The following SLIT3 variants were observed in gnomAD, a reference collection of about 807,000 sequenced individuals.
SLIT3 encodes slit homolog 3 protein.
A neutral mutation model predicts 184.0 loss-of-function variants in SLIT3; 68 were observed. The ratio of observed to expected loss-of-function variants is 0.37; its 90% CI spans 0.30 to 0.45. SLIT3 has a LOEUF of 0.45. SLIT3 is among the 20% of genes least tolerant of loss of function. The probability of loss-of-function intolerance (pLI) is 1.00; values close to 1 mark genes in which losing one functional copy is unlikely to be tolerated. For synonymous variants in SLIT3, 831 were observed against 828.6 expected (o/e 1.00, Z -0.05); for missense variants, 1,707 against 2,026.0 (o/e 0.84, Z 3.02).
intron 4 of SLIT3, among the ~76,000 whole-genome samples, chr5:169,080,354 C>A (rs1230745188): frequency 2.0e-5 from 3 of 152,162 alleles, no homozygotes; most frequent in Non-Finnish European, 1.5e-5. Context: ...ATGTGCCAAG[C>A]ACTGTGCTAG....
intron 9 of SLIT3, among the ~76,000 whole-genome samples, chr5:168,805,305 AGGGAAGGGGAGGAGG>A (rs1379852572): frequency 2.0e-5 from 3 of 151,988 alleles, no homozygotes; most frequent in African/African-American, 7.3e-5. Flanking sequence ...GGGCACACAC[AGGGAAGGGGAGGAGG>A]GGGAAGAGGA....
Position 169,270,829 on chromosome 5 carries a change from G to T in SLIT3, c.198-19370C>A, listed in dbSNP as rs1284652510. On this transcript the variant is annotated intron_variant, in intron 1 of 35. Transcript: ENST00000519560. ...GGACAGAAGTAGCAACATGACTCTGGGGAAGTTATTTTAACTCTCTGTGCC... is the reference window on the plus strand; with the variant it reads ...GGACAGAAGTAGCAACATGACTCTGTGGAAGTTATTTTAACTCTCTGTGCC... Among the ~76,000 whole-genome samples, 7 of 152,114 alleles carry T rather than the reference G, an allele frequency of 4.6e-5. 1 individual carries two copies. The South Asian group carries it at 1.0e-3, about 23-fold the overall frequency.
intron 5 of SLIT3, among the ~76,000 whole-genome samples, chr5:168,846,520 A>G (rs559195811): frequency 6.6e-6 from 1 of 152,136 alleles, no homozygotes; most frequent in Non-Finnish European, 1.5e-5. Context: ...AGGCCGGTGA[A>G]TCAACAACCT....
intron 4 of SLIT3, among the ~76,000 whole-genome samples, chr5:169,100,143 G>T (rs2113227541): frequency 1.3e-5 from 2 of 152,288 alleles, no homozygotes. Context: ...CAAACAGGTA[G>T]GTTCAAGCCT....
chr5:168,856,046 T>C (rs1486472998), intron 5 of SLIT3, among the ~76,000 whole-genome samples: 2 of 151,998 alleles, frequency 1.3e-5, no homozygotes, highest in African/African-American at 4.8e-5. Flanking sequence ...GAGGCAGAGG[T>C]TGCAGTTAGC....
intron 1 of SLIT3, among the ~76,000 whole-genome samples, chr5:169,266,527 G>A (rs1485751734): frequency 6.6e-6 from 1 of 152,148 alleles, no homozygotes; most frequent in Admixed American, 6.5e-5. Context: ...GAGATCATGT[G>A]TCATAAATGG....
rs576891835 is a variant in SLIT3, at chr5:169,299,483, C to G, written c.197+1030G>C. On this transcript the variant is annotated intron_variant, in intron 1 of 35. Transcript: ENST00000519560. The stretch of plus-strand genomic sequence containing the variant: ...GAAGGGGAGAAGAGGGAGAGCAAGA[C>G]ACGGAGGGAATCTACCACACTAGAG... Among the ~76,000 whole-genome samples the G allele has an allele frequency of 3.9e-5, 6 of 152,182 alleles. No homozygotes were observed. In the East Asian group the frequency reaches 1.2e-3, roughly 29 times the overall value.
In SLIT3 at chr5:169,064,959, CAA is replaced by C. The variant is rs1396817124; in HGVS notation, c.413+128518_413+128519del. Among the ~76,000 whole-genome samples, 6 of 152,310 alleles carry C rather than the reference CAA, an allele frequency of 3.9e-5. No individual in the cohort carries two copies. The East Asian group carries it at 1.2e-3, about 29-fold the overall frequency. Reference sequence around the variant, plus strand: ...CCCAGCCTAATTGCTTGCCTTGACACAAAGAGTTCTGACCTTTCATTCCCACT... The same window carrying C: ...CCCAGCCTAATTGCTTGCCTTGACACAGAGTTCTGACCTTTCATTCCCACT... On this transcript the variant is annotated intron_variant, in intron 4 of 35. Transcript: ENST00000519560.
intron 4 of SLIT3, among the ~76,000 whole-genome samples, chr5:169,110,204 T>C (rs1415117065): frequency 6.6e-6 from 1 of 152,246 alleles, no homozygotes; most frequent in Non-Finnish European, 1.5e-5. Context: ...CTTCTGTGGC[T>C]ACTTTCATGT....
intron 5 of SLIT3, among the ~76,000 whole-genome samples, chr5:168,872,545 C>G (rs1412630925): frequency 2.0e-5 from 3 of 151,718 alleles, no homozygotes; most frequent in Non-Finnish European, 2.9e-5. Flanking sequence ...CTTCTGTAAA[C>G]CTCAAAATGC....
At chr5:168,833,840 G>C (rs1376240632) in intron 6 of SLIT3, among the ~76,000 whole-genome samples, 1 of 152,042 alleles carries the variant, frequency 6.6e-6, no homozygotes, top group East Asian at 1.9e-4. Flanking sequence ...TTTTTTAAAT[G>C]AAGTGGTGGA....
At chr5:169,119,377 G>A (rs1760801822) in intron 4 of SLIT3, among the ~76,000 whole-genome samples, 2 of 150,924 alleles carry the variant, frequency 1.3e-5, no homozygotes, top group South Asian at 4.2e-4. Context: ...ATGCATAAAA[G>A]CTGGTTACAC....
At chr5:168,866,856 G>A (rs1346794268) in intron 5 of SLIT3, among the ~76,000 whole-genome samples, 1 of 152,184 alleles carries the variant, frequency 6.6e-6, no homozygotes, top group Admixed American at 6.5e-5. Context: ...GTGTGTTAGT[G>A]CTAACTCTTT....
chr5:168,780,120 A>T (rs1422650013), intron 12 of SLIT3, among the ~76,000 whole-genome samples: 2 of 152,272 alleles, frequency 1.3e-5, no homozygotes, highest in African/African-American at 4.8e-5. Flanking sequence ...ATGTTGACTC[A>T]GTGGCCCAGT....
chr5:168,982,687 T>C (rs953758218), intron 4 of SLIT3, among the ~76,000 whole-genome samples: 1 of 152,212 alleles, frequency 6.6e-6, no homozygotes, highest in Non-Finnish European at 1.5e-5. Context: ...CTGTGACTCA[T>C]GGGCTTAGTC....
chr5:168,754,546 T>G (rs375072897), intron 16 of SLIT3, among the ~76,000 whole-genome samples: 115 of 152,260 alleles, frequency 7.6e-4, no homozygotes, highest in African/African-American at 2.7e-3. Flanking sequence ...TAAGTTCTAG[T>G]GTTAGATAGG....
intron 8 of SLIT3, among the ~76,000 whole-genome samples, 166 bp downstream of exon 8, chr5:168,817,134 C>T (rs913742725): frequency 1.7e-4 from 26 of 152,252 alleles, no homozygotes; most frequent in African/African-American, 5.3e-4. Context: ...CTTTGAGGCA[C>T]GTCACAGTTC....
intron 4 of SLIT3, among the ~76,000 whole-genome samples, chr5:168,952,433 C>T (rs990246787): frequency 2.0e-5 from 3 of 151,390 alleles, no homozygotes; most frequent in Non-Finnish European, 4.4e-5. Context: ...TTACTTCCCC[C>T]AAGTGGCTGC....
chr5:169,174,966 G>T (rs893963647), intron 4 of SLIT3, among the ~76,000 whole-genome samples: 103 of 152,086 alleles, frequency 6.8e-4, no homozygotes, highest in Non-Finnish European at 3.5e-4. Flanking sequence ...TGTTTGGGCT[G>T]TTCTTGGCTC....
Sources: gnomAD v4.1 joint callset for allele counts (sites outside exome capture counted in the v4.1 genomes callset) on GRCh38, gnomAD v4.1.1 for gene constraint, MANE v1.5 for transcripts, NCBI Gene and HGNC (gene_info 2026-07-23, HGNC 2026-07-21) for gene names.